The following FOXN3 variants were observed in gnomAD, a reference collection of about 807,000 sequenced individuals.
The protein encoded by FOXN3 is forkhead box protein N3.
FOXN3 carries 7 observed loss-of-function variants against 38.4 expected under a neutral mutation model. The observed-to-expected ratio is 0.18, with a 90% CI of 0.10 to 0.34. The LOEUF is 0.34. Among genes scored for constraint, FOXN3 ranks in the 10% least tolerant of loss-of-function variants. FOXN3 has a pLI of 1.00. For missense variants in FOXN3, 456 were observed against 613.4 expected (o/e 0.74, Z 2.71); for synonymous variants, 230 against 242.2 (o/e 0.95, Z 0.47).
intron 1 of FOXN3, among the ~76,000 whole-genome samples, chr14:89,562,413 C>A (rs773431954): frequency 2.6e-5 from 4 of 152,090 alleles, no homozygotes; most frequent in Non-Finnish European, 4.4e-5. Flanking sequence ...GCATGCACCA[C>A]CATGCCCAGC....
Position 89,231,954 on chromosome 14 carries a change from A to G in FOXN3, c.745+48996T>C, listed in dbSNP as rs116685953. On this transcript the variant is annotated intron_variant, in intron 4 of 5. Transcript: ENST00000557258. ...TTTGCAAGAGCTGGGAGAGGCTCCA[A>G]TGGTGCCAGCAGCCACTGCTTCAGG... Among the ~76,000 whole-genome samples the G allele has an allele frequency of 6.0e-3, 911 of 152,338 alleles. 7 individuals are homozygous for G. The highest frequency in any genetic ancestry group is 0.027 in the Middle Eastern group (8 of 294).
intron 3 of FOXN3, among the ~76,000 whole-genome samples, chr14:89,298,472 TAAAA>T (rs55856005): frequency 5.8e-4 from 72 of 123,562 alleles, no homozygotes; most frequent in Admixed American, 2.8e-3. Flanking sequence ...TCCGTCTATT[TAAAA>T]AAAAAAAAAA....
At chr14:89,485,876 C>T (rs754920076) in intron 1 of FOXN3, among the ~76,000 whole-genome samples, 11 of 152,128 alleles carry the variant, frequency 7.2e-5, no homozygotes, top group African/African-American at 1.2e-4. Context: ...CTCAATGCCA[C>T]GCCTCTTCCT....
In FOXN3 at chr14:89,350,680, T is replaced by C. The variant is rs200671522; in HGVS notation, c.672A>G (p.Ala224=). The change falls in exon 3 of 6, where the codon GCA becomes GCG. Residue 224 remains alanine, a synonymous_variant. Coordinates refer to ENST00000557258, the MANE Select transcript of FOXN3 (RefSeq NM_005197.4). ...AAGTCTGAATTGCTTACCTTTGATATGCCTGAGGACAGGTGGGAGGTGTAT... is the reference window on the plus strand; with the variant it reads ...AAGTCTGAATTGCTTACCTTTGATACGCCTGAGGACAGGTGGGAGGTGTAT... The part of the protein sequence containing the change: ...VFNTPPTCPQ[A]YQSTSGPPIW... 1.2e-5 allele frequency: 18 copies of C among 1,537,310 alleles called. No individual in the cohort carries two copies. The highest frequency in any genetic ancestry group is 1.7e-4 in the Middle Eastern group (1 of 5,724).
intron 2 of FOXN3, among the ~76,000 whole-genome samples, chr14:89,363,988 A>ATATATATATT (rs1420813459): frequency 1.9e-5 from 1 of 52,066 alleles, no homozygotes; most frequent in African/African-American, 8.9e-5. Flanking sequence ...ATATATATAT[A>ATATATATATT]ATATATATAT....
chr14:89,353,082 T>C (rs1889044940), intron 2 of FOXN3, among the ~76,000 whole-genome samples: 1 of 152,212 alleles, frequency 6.6e-6, no homozygotes, highest in Admixed American at 6.5e-5. Flanking sequence ...TTGATCCAGA[T>C]GCAGAGAGGC....
At chr14:89,274,666 A>G (rs985722863) in intron 4 of FOXN3, among the ~76,000 whole-genome samples, 1 of 152,228 alleles carries the variant, frequency 6.6e-6, no homozygotes, top group Non-Finnish European at 1.5e-5. Flanking sequence ...GTGCTCCTTC[A>G]CAAAGCTATA....
chr14:89,476,880 GC>G (rs1893223085), intron 1 of FOXN3, among the ~76,000 whole-genome samples: 1 of 152,140 alleles, frequency 6.6e-6, no homozygotes, highest in South Asian at 2.1e-4. Context: ...CTTCAGACCT[GC>G]AGTGAATGGT....
intron 1 of FOXN3, among the ~76,000 whole-genome samples, chr14:89,477,716 C>T (rs1421146934): frequency 6.6e-6 from 1 of 152,184 alleles, no homozygotes; most frequent in African/African-American, 2.4e-5. Flanking sequence ...CTTTCAGCAA[C>T]AAATAAGGAT....
intron 5 of FOXN3, among the ~76,000 whole-genome samples, chr14:89,171,623 T>TA (rs1244649619): frequency 2.0e-5 from 3 of 151,888 alleles, no homozygotes; most frequent in Non-Finnish European, 4.4e-5. Flanking sequence ...TTCACCACAG[T>TA]AAAAAAAAGA....
chr14:89,522,952 A>G (rs1330229590), intron 1 of FOXN3, among the ~76,000 whole-genome samples: 1 of 151,876 alleles, frequency 6.6e-6, no homozygotes, highest in Non-Finnish European at 1.5e-5. Context: ...CCACAAGACC[A>G]AACTATATAT....
chr14:89,509,567 AC>A (rs1364611559), intron 1 of FOXN3, among the ~76,000 whole-genome samples: 2 of 152,114 alleles, frequency 1.3e-5, no homozygotes, highest in African/African-American at 2.4e-5. Context: ...ACTCCTGACC[AC>A]AGGTGATCTG....
At chr14:89,554,707 G>A (rs1895077212) in intron 1 of FOXN3, among the ~76,000 whole-genome samples, 1 of 148,082 alleles carries the variant, frequency 6.8e-6, no homozygotes, top group South Asian at 2.1e-4. Flanking sequence ...ACAAAAGAAA[G>A]AGAAAAACCT....
chr14:89,285,528 A>C (rs1275654883), intron 3 of FOXN3, among the ~76,000 whole-genome samples: 1 of 150,378 alleles, frequency 6.6e-6, no homozygotes, highest in Non-Finnish European at 1.5e-5. Flanking sequence ...CAAAACAAAA[A>C]AAAAAAAAGA....
chr14:89,400,318 G>A (rs1260669262), intron 2 of FOXN3, among the ~76,000 whole-genome samples: 1 of 152,124 alleles, frequency 6.6e-6, no homozygotes, highest in Non-Finnish European at 1.5e-5. Context: ...TTGATTGAGA[G>A]GTAATCCAGA....
At chr14:89,509,355 G>A (rs1219167719) in intron 1 of FOXN3, among the ~76,000 whole-genome samples, 2 of 145,038 alleles carry the variant, frequency 1.4e-5, no homozygotes, top group Non-Finnish European at 3.1e-5. Context: ...TTTGTTTTAA[G>A]ATGGAGTCTT....
intron 1 of FOXN3, among the ~76,000 whole-genome samples, chr14:89,609,849 A>G (rs1204655979): frequency 6.6e-6 from 1 of 152,172 alleles, no homozygotes; most frequent in East Asian, 1.9e-4. Context: ...GAAAGCAATG[A>G]GAAGCCCTGG....
intron 1 of FOXN3, among the ~76,000 whole-genome samples, chr14:89,584,212 A>ACC (rs757244600): frequency 4.0e-5 from 6 of 151,570 alleles, no homozygotes; most frequent in Non-Finnish European, 8.8e-5. Context: ...AGCCTGGCCA[A>ACC]CATGGTGAAA....
chr14:89,353,989 G>T (rs900146307), intron 2 of FOXN3, among the ~76,000 whole-genome samples: 1 of 151,784 alleles, frequency 6.6e-6, no homozygotes, highest in African/African-American at 2.4e-5. Context: ...TGGGTTTCAT[G>T]TAACAGTTTG....
Sources: allele counts gnomAD v4.1 joint callset (sites outside exome capture counted in the v4.1 genomes callset), GRCh38; gene constraint gnomAD v4.1.1; transcripts MANE v1.5; gene names NCBI Gene and HGNC (gene_info 2026-07-23, HGNC 2026-07-21).